The following LAPTM4A variants were observed in gnomAD, a reference collection of about 807,000 sequenced individuals.
LAPTM4A encodes lysosomal protein transmembrane 4 alpha, also known as lysosomal-associated transmembrane protein 4A.
A neutral mutation model predicts 29.9 loss-of-function variants in LAPTM4A; 19 were observed. That is an observed-to-expected ratio of 0.64 (90% confidence interval 0.44 to 0.93). The LOEUF is 0.93. LAPTM4A is among the 40% of genes least tolerant of loss of function. The pLI is 0.00. For synonymous variants in LAPTM4A, 105 were observed against 102.1 expected, an observed-to-expected ratio of 1.03 and a Z score of -0.17; for missense variants, 293 against 288.5, an observed-to-expected ratio of 1.02 and a Z score of -0.11.
In LAPTM4A at chr2:20,037,408, A is replaced by G; in HGVS notation, c.340T>C (p.Cys114Arg). 6.2e-7 allele frequency: 1 copy of G among 1,612,738 alleles called. No homozygotes were observed. The highest frequency in any genetic ancestry group is 8.5e-7 in the Non-Finnish European group (1 of 1,179,540). ...AGGACGAAGTCAAAAAGTCGGTAAC[A>G]GAAGAATGGAATCAGCCAACCCACT... Reference protein sequence around the residue: ...YQVGWLIPFFCYRLFDFVLSC... With the variant: ...YQVGWLIPFFRYRLFDFVLSC... Residue 114 changes from cysteine to arginine, a missense_variant, in exon 4 of 7, where the codon TGT (cysteine) becomes CGT (arginine). Physicochemically the swap from Cys to Arg is radical, Grantham distance 180 (BLOSUM62 -3). Coordinates refer to ENST00000175091, the MANE Select transcript of LAPTM4A (RefSeq NM_014713.5).
chr2:20,051,227 G>A (rs546193468), intron 1 of LAPTM4A, among the ~76,000 whole-genome samples, 183 bp downstream of exon 1: 27 of 151,248 alleles, frequency 1.8e-4, no homozygotes, highest in African/African-American at 6.3e-4. Flanking sequence ...CCCCGACTCC[G>A]ATTCCTGAAC....
chr2:20,035,014 G>A lies in LAPTM4A; in HGVS notation c.481C>T (p.Leu161Phe), dbSNP rs1181590044. 4 of 1,612,868 alleles carry A rather than the reference G, an allele frequency of 2.5e-6. No homozygotes were observed. The highest frequency in any genetic ancestry group is 1.7e-5 in the Admixed American group (1 of 59,994). The change falls in exon 5 of 7, where the codon CTC becomes TTC. Residue 161 changes from leucine to phenylalanine, a missense_variant. Physicochemically the swap from Leu to Phe is conservative, Grantham distance 22. Coordinates refer to ENST00000175091, the MANE Select transcript of LAPTM4A (RefSeq NM_014713.5). ...DDLLALDSSC[L>F]LFIVLVFFAL... The stretch of plus-strand genomic sequence containing the variant: ...AAGAACACAAGAACAATGAACAGGA[G>A]GCAGCTGGAGTCCAAGGCCAGGAGG...
chr2:20,044,111 C>A (rs1170643218), intron 1 of LAPTM4A, among the ~76,000 whole-genome samples: 3 of 152,224 alleles, frequency 2.0e-5, no homozygotes, highest in Non-Finnish European at 4.4e-5. Flanking sequence ...TTACCAGGAA[C>A]AATCACTTTT....
intron 2 of LAPTM4A, 69 bp from the exon 3 acceptor site, chr2:20,037,683 G>A: frequency 1.0e-6 from 1 of 984,050 alleles, no homozygotes; most frequent in Admixed American, 2.6e-5. Flanking sequence ...TTCACTTAAA[G>A]CTAGCTTTAA....
chr2:20,042,231 C>T (rs778096562), intron 1 of LAPTM4A, among the ~76,000 whole-genome samples: 3 of 152,102 alleles, frequency 2.0e-5, no homozygotes, highest in Non-Finnish European at 4.4e-5. Context: ...TCCCAACATG[C>T]TGTGATTACA....
At chr2:20,037,226 A>G (rs897229517) in intron 4 of LAPTM4A, 90 bp downstream of exon 4, 1 of 1,168,676 alleles carries the variant, frequency 8.6e-7, no homozygotes, top group Non-Finnish European at 1.2e-6. Context: ...GGAGTAGTTA[A>G]AAATAATACC....
In LAPTM4A at chr2:20,033,287, G is replaced by C. The variant is rs1558383028; in HGVS notation, c.628-8C>G. 2 of 1,609,554 alleles carry C rather than the reference G, an allele frequency of 1.2e-6. No homozygotes were observed. Among genetic ancestry groups the C allele is most frequent in the Non-Finnish European group, 1.7e-6 (2 of 1,175,874 alleles). On this transcript the variant is annotated splice_polypyrimidine_tract_variant and splice_region_variant and intron_variant, in intron 6 of 6. Transcript: ENST00000175091. ...ATAGGTTGGCAAAACGTACTAAAGAGAGAAAAAAAATTGTATCAGATTTAA... is the reference window on the plus strand; with the variant it reads ...ATAGGTTGGCAAAACGTACTAAAGACAGAAAAAAAATTGTATCAGATTTAA...
At chr2:20,047,696 C>CAAAAAAAAAAAAAAAGAAAGAAAAAAG in intron 1 of LAPTM4A, among the ~76,000 whole-genome samples, 1 of 76,720 alleles carries the variant, frequency 1.3e-5, no homozygotes, top group Non-Finnish European at 2.6e-5. Context: ...GACTCCGTCT[C>CAAAAAAAAAAAAAAAGAAAGAAAAAAG]AAAAAAAAAA....
chr2:20,050,909 A>T (rs1674048059), intron 1 of LAPTM4A, among the ~76,000 whole-genome samples: 1 of 152,208 alleles, frequency 6.6e-6, no homozygotes, highest in Admixed American at 6.5e-5. Flanking sequence ...AACGCGGACA[A>T]CCGGGTTACC....
intron 1 of LAPTM4A, among the ~76,000 whole-genome samples, chr2:20,043,794 T>C (rs1319028972): frequency 2.0e-5 from 3 of 152,248 alleles, no homozygotes; most frequent in Non-Finnish European, 4.4e-5. Context: ...GAAGTAAGTA[T>C]TACCAAAGCC....
chr2:20,041,288 C>T (rs1262015525), intron 1 of LAPTM4A, among the ~76,000 whole-genome samples: 4 of 152,148 alleles, frequency 2.6e-5, no homozygotes, highest in Non-Finnish European at 5.9e-5. Context: ...AGAATCATTA[C>T]AAATGGTTCA....
intron 1 of LAPTM4A, among the ~76,000 whole-genome samples, chr2:20,044,798 G>T (rs959726706): frequency 6.6e-6 from 1 of 152,220 alleles, no homozygotes. Flanking sequence ...TTCATTAAAA[G>T]CTTTTTCCAA....
Position 20,033,062 on chromosome 2 carries a change from T to A in LAPTM4A, c.*143A>T, listed in dbSNP as rs557304693. 29 of 681,246 alleles carry A rather than the reference T, an allele frequency of 4.3e-5. No individual in the cohort carries two copies. Among genetic ancestry groups the A allele is most frequent in the Non-Finnish European group, 7.5e-5 (29 of 385,720 alleles). 42.2% of individuals were successfully genotyped at this position (681,246 alleles called of 1,614,324 possible). On this transcript the variant is annotated 3_prime_UTR_variant, in exon 7 of 7. Coordinates refer to ENST00000175091, the MANE Select transcript of LAPTM4A (RefSeq NM_014713.5). The stretch of plus-strand genomic sequence containing the variant: ...AGACGTTTAACAGATGTCAAAAAGC[T>A]CCTTAGTGTTTGAAAATAAATGCTT...
intron 4 of LAPTM4A, among the ~76,000 whole-genome samples, chr2:20,035,450 C>A (rs138857288): frequency 2.0e-5 from 3 of 152,166 alleles, no homozygotes; most frequent in Non-Finnish European, 4.4e-5. Context: ...TACAGATAAA[C>A]TGGGCCATTT....
In LAPTM4A at chr2:20,051,434, C is replaced by A. The variant is rs148318155; in HGVS notation, c.87G>T (p.Thr29=). The stretch of plus-strand genomic sequence containing the variant: ...CCATGTACCAGGTCCCCAGGATGAT[C>A]GTCCCGGTGCGGACATGGCAACAGC... ...CCGCCHVRTG[T]IILGTWYMVV... Residue 29 remains threonine (T), a synonymous_variant, in exon 1 of 7, where the codon ACG becomes ACT. Transcript: ENST00000175091. The A allele has an allele frequency of 6.2e-7, 1 of 1,612,492 alleles. No homozygotes were observed. The highest frequency in any genetic ancestry group is 8.5e-7 in the Non-Finnish European group (1 of 1,179,004).
Position 20,037,209 on chromosome 2 carries a change from A to C in LAPTM4A, c.432+107T>G, listed in dbSNP as rs185482817. The C allele has an allele frequency of 2.9e-4, 261 of 911,802 alleles. No homozygotes were observed. In the African/African-American group the frequency reaches 4.0e-3, roughly 14 times the overall value. The allele number at this position is 911,802 out of a possible 1,614,324, so 56.5% of individuals were successfully genotyped here. On this transcript the variant is annotated intron_variant, in intron 4 of 6. Coordinates refer to ENST00000175091, the MANE Select transcript of LAPTM4A (RefSeq NM_014713.5). Reference sequence around the variant, plus strand: ...ATAATTATTTTAAGACACTTTCAAAAGCAAGCGGAGTAGTTAAAAATAATA... The same window carrying C: ...ATAATTATTTTAAGACACTTTCAAACGCAAGCGGAGTAGTTAAAAATAATA...
chr2:20,047,743 A>T (rs1673966245), intron 1 of LAPTM4A, among the ~76,000 whole-genome samples: 1 of 152,024 alleles, frequency 6.6e-6, no homozygotes, highest in Admixed American at 6.6e-5. Context: ...ATGTGAGCTA[A>T]CCATTAAATT....
chr2:20,050,326 G>A (rs1362215212), intron 1 of LAPTM4A, among the ~76,000 whole-genome samples: 2 of 152,162 alleles, frequency 1.3e-5, no homozygotes, highest in Admixed American at 6.5e-5. Flanking sequence ...CAATGAGTGG[G>A]GAGAAGCAGC....
intron 1 of LAPTM4A, among the ~76,000 whole-genome samples, chr2:20,047,307 G>A (rs981633068): frequency 6.6e-6 from 1 of 150,718 alleles, no homozygotes; most frequent in Admixed American, 6.6e-5. Flanking sequence ...GGAATCGCTT[G>A]AACCTGGGAG....
Sources: gnomAD v4.1 joint callset for allele counts (sites outside exome capture counted in the v4.1 genomes callset) on GRCh38, gnomAD v4.1.1 for gene constraint, MANE v1.5 for transcripts, NCBI Gene and HGNC (gene_info 2026-07-23, HGNC 2026-07-21) for gene names.